Variants in SMG6 observed in about 807,000 individuals in gnomAD.
SMG6 encodes the protein SMG6 nonsense mediated mRNA decay factor, also known as telomerase-binding protein EST1A.
Under a neutral mutation model 142.2 loss-of-function variants are expected in SMG6, and 66 were observed. The ratio of observed to expected loss-of-function variants is 0.46; its 90% confidence interval spans 0.38 to 0.57. SMG6 has a LOEUF of 0.57. SMG6 is among the 20% of genes least tolerant of loss of function. The pLI, the probability that SMG6 is intolerant of heterozygous loss-of-function variation, is 0.00. For missense variants in SMG6, 1,793 were observed against 1,832.0 expected (o/e 0.98, Z 0.39); for synonymous variants, 779 against 702.4 (o/e 1.11, Z -1.72).
chr17:2,179,009 C>T (rs1377303352), intron 12 of SMG6, among the ~76,000 whole-genome samples: 2 of 152,318 alleles, frequency 1.3e-5, no homozygotes, highest in Non-Finnish European at 2.9e-5. Context: ...GAGCCTTAGG[C>T]CAACACCCCT....
chr17:2,226,390 C>T (rs1313546414), intron 10 of SMG6, among the ~76,000 whole-genome samples: 2 of 150,922 alleles, frequency 1.3e-5, no homozygotes, highest in Non-Finnish European at 2.9e-5. Flanking sequence ...ACCAGTCTGG[C>T]CAACACAGTG....
chr17:2,114,071 C>T (rs771159745), intron 13 of SMG6, among the ~76,000 whole-genome samples: 7 of 152,086 alleles, frequency 4.6e-5, no homozygotes, highest in Non-Finnish European at 8.8e-5. Context: ...AGTTCAAGAC[C>T]AGCCTGGCCA....
intron 8 of SMG6, among the ~76,000 whole-genome samples, chr17:2,258,150 AC>A (rs1847461507): frequency 1.3e-5 from 2 of 152,038 alleles, no homozygotes; most frequent in South Asian, 4.1e-4. Flanking sequence ...GCGTCTGTTA[AC>A]ATTACAACAA....
chr17:2,269,904 C>T (rs114965845), intron 8 of SMG6, among the ~76,000 whole-genome samples: 1,536 of 152,254 alleles, frequency 0.01, 30 homozygotes, highest in African/African-American at 0.034. Flanking sequence ...TGGCTCACGC[C>T]TGTAATCCTA....
At chr17:2,283,541 G>T in intron 7 of SMG6, 84 bp downstream of exon 7, 1 of 1,081,572 alleles carries the variant, frequency 9.2e-7, no homozygotes, top group Non-Finnish European at 1.4e-6. Flanking sequence ...CTACGATCCT[G>T]CCGGTGCGCA....
At chr17:2,123,396 C>A (rs996572613) in intron 13 of SMG6, among the ~76,000 whole-genome samples, 1 of 152,104 alleles carries the variant, frequency 6.6e-6, no homozygotes, top group African/African-American at 2.4e-5. Context: ...AAAGGCAGTA[C>A]GACGGAAAGA....
chr17:2,224,898 A>G (rs1213608765), intron 10 of SMG6, among the ~76,000 whole-genome samples: 1 of 152,222 alleles, frequency 6.6e-6, no homozygotes, highest in Non-Finnish European at 1.5e-5. Context: ...CTGCTTTCAA[A>G]AGAGAAACAA....
At chr17:2,194,033 C>G (rs1317967207) in intron 10 of SMG6, among the ~76,000 whole-genome samples, 1 of 152,204 alleles carries the variant, frequency 6.6e-6, no homozygotes, top group Non-Finnish European at 1.5e-5. Context: ...TCAAGTGATC[C>G]ACCTGCCTCG....
At chr17:2,148,065 C>T (rs946350685) in intron 13 of SMG6, among the ~76,000 whole-genome samples, 1 of 152,024 alleles carries the variant, frequency 6.6e-6, no homozygotes, top group Non-Finnish European at 1.5e-5. Context: ...GTGGTGCGCA[C>T]CTGTGGTCCC....
At chr17:2,065,791 C>A (rs1416822417) in intron 16 of SMG6, 112 bp from the exon 17 acceptor site, 10 of 895,972 alleles carry the variant, frequency 1.1e-5, no homozygotes, top group Non-Finnish European at 1.7e-5. Context: ...TCCATCCTTC[C>A]CCCACAGGAG....
At chr17:2,186,432 T>G (rs2071987191) in intron 12 of SMG6, among the ~76,000 whole-genome samples, 5 of 147,370 alleles carry the variant, frequency 3.4e-5, no homozygotes, top group African/African-American at 5.0e-5. Context: ...AAATGGAGAG[T>G]GAGAGGAAAA....
intron 8 of SMG6, among the ~76,000 whole-genome samples, chr17:2,276,570 G>A (rs980652892): frequency 3.9e-5 from 6 of 151,974 alleles, no homozygotes; most frequent in African/African-American, 1.5e-4. Flanking sequence ...GTTTTTAGTA[G>A]AGACAGGGTT....
chr17:2,286,986 C>T (rs536586129), intron 6 of SMG6, among the ~76,000 whole-genome samples: 22 of 136,754 alleles, frequency 1.6e-4, no homozygotes, highest in South Asian at 4.6e-4. Context: ...GGCTGGAGTG[C>T]AGTGGCGTGA....
intron 10 of SMG6, among the ~76,000 whole-genome samples, chr17:2,224,731 C>G (rs1292060365): frequency 6.6e-6 from 1 of 152,056 alleles, no homozygotes; most frequent in African/African-American, 2.4e-5. Context: ...AACCAACCAA[C>G]CAACCAACCA....
intron 13 of SMG6, among the ~76,000 whole-genome samples, chr17:2,158,731 ACATGGCGAAAC>A (rs1379580981): frequency 6.6e-6 from 1 of 152,126 alleles, no homozygotes; most frequent in Non-Finnish European, 1.5e-5. Flanking sequence ...AGCCTGGGCA[ACATGGCGAAAC>A]CATGGCTCTA....
intron 5 of SMG6, 58 bp downstream of exon 5, chr17:2,292,813 T>G: frequency 6.6e-7 from 1 of 1,519,736 alleles, no homozygotes; most frequent in South Asian, 1.1e-5. Flanking sequence ...CTGCTCTTAG[T>G]AAGGCTTAGC....
chr17:2,061,815 C>T, intron 18 of SMG6, 193 bp from the exon 19 acceptor site: 1 of 597,700 alleles, frequency 1.7e-6, no homozygotes, highest in Non-Finnish European at 2.9e-6. Flanking sequence ...GAGAGGGCTG[C>T]ACTGGGCTTC....
intron 1 of SMG6, chr17:2,303,344 G>A: frequency 8.4e-7 from 1 of 1,184,062 alleles, no homozygotes; most frequent in Admixed American, 4.6e-5. Context: ...TCCGGGGCGG[G>A]TCTGAGAGGG....
chr17:2,289,538 C>CA (rs1192167882), intron 6 of SMG6, among the ~76,000 whole-genome samples: 1 of 152,100 alleles, frequency 6.6e-6, no homozygotes, highest in South Asian at 2.1e-4. Flanking sequence ...GCCTAGGTGA[C>CA]AGAGTGCGAT....
Sources: gnomAD v4.1 joint callset for allele counts (sites outside exome capture counted in the v4.1 genomes callset) on GRCh38, gnomAD v4.1.1 for gene constraint, MANE v1.5 for transcripts, NCBI Gene and HGNC (gene_info 2026-07-23, HGNC 2026-07-21) for gene names.